The following PSD3 variants were observed in gnomAD, a reference collection of about 807,000 sequenced individuals.
PSD3 encodes the protein PH and SEC7 domain-containing protein 3.
PSD3 carries 49 observed loss-of-function variants against 105.5 expected under a neutral mutation model. The observed-to-expected ratio is 0.46, with a 90% confidence interval of 0.37 to 0.59. The LOEUF is 0.59. PSD3 is among the 20% of genes least tolerant of loss of function. PSD3 has a pLI of 0.00. For synonymous variants in PSD3, 557 were observed against 457.8 expected (o/e 1.22, Z -2.77); for missense variants, 1,561 against 1,263.8 (o/e 1.24, Z -3.57).
At chr8:18,834,437 A>C (rs1813929094) in intron 4 of PSD3, among the ~76,000 whole-genome samples, 1 of 152,212 alleles carries the variant, frequency 6.6e-6, no homozygotes, top group Non-Finnish European at 1.5e-5. Flanking sequence ...TGAGCATTCT[A>C]ATCACTGCAT....
chr8:18,787,317 G>A (rs920395151), intron 8 of PSD3, among the ~76,000 whole-genome samples: 2 of 152,060 alleles, frequency 1.3e-5, no homozygotes, highest in African/African-American at 4.8e-5. Flanking sequence ...ATAAAGCATG[G>A]AGATTTGAAA....
chr8:18,783,687 G>A (rs946062580), intron 8 of PSD3, among the ~76,000 whole-genome samples: 1 of 152,176 alleles, frequency 6.6e-6, no homozygotes, highest in African/African-American at 2.4e-5. Context: ...AGGCTGGAGT[G>A]CAGTGGCACA....
chr8:18,842,452 G>C (rs1814703327), intron 4 of PSD3, among the ~76,000 whole-genome samples: 1 of 152,222 alleles, frequency 6.6e-6, no homozygotes, highest in Non-Finnish European at 1.5e-5. Flanking sequence ...GTATGGCTTT[G>C]GCCGGGCGCG....
At chr8:18,778,749 G>A (rs950204035) in intron 8 of PSD3, among the ~76,000 whole-genome samples, 4 of 151,476 alleles carry the variant, frequency 2.6e-5, no homozygotes, top group Admixed American at 6.6e-5. Flanking sequence ...TTTTTGTGAC[G>A]TATCATGTTT....
At chr8:18,699,748 T>C (rs1801464697) in intron 9 of PSD3, among the ~76,000 whole-genome samples, 1 of 152,030 alleles carries the variant, frequency 6.6e-6, no homozygotes, top group African/African-American at 2.4e-5. Flanking sequence ...GGCTATAGAA[T>C]GGTGGGTGGT....
intron 12 of PSD3, among the ~76,000 whole-genome samples, chr8:18,579,096 C>CCACACACACACACA (rs3988324): frequency 6.8e-4 from 97 of 143,644 alleles, no homozygotes; most frequent in South Asian, 1.4e-3. Context: ...AGCTCCAAGT[C>CCACACACACACACA]CACACACACA....
intron 8 of PSD3, among the ~76,000 whole-genome samples, chr8:18,778,498 T>A (rs999208068): frequency 6.6e-6 from 1 of 152,126 alleles, no homozygotes; most frequent in African/African-American, 2.4e-5. Flanking sequence ...CTATATTGAA[T>A]ATGAGTGGTG....
rs114730122 is a variant in PSD3, at chr8:18,717,826, T to C, written c.2172+47623A>G. Among the ~76,000 whole-genome samples the C allele has an allele frequency of 5.7e-3, 868 of 152,332 alleles. 9 individuals carry two copies. The highest frequency in any genetic ancestry group is 0.02 in the African/African-American group (829 of 41,558). On this transcript the variant is annotated intron_variant, in intron 9 of 15. Coordinates refer to ENST00000327040, the MANE Select transcript of PSD3 (RefSeq NM_015310.4). ...ATCTGAACTATTCATTTTCTTTGTA[T>C]TTCATAAACTTTTGCCTGCTCTAGC...
chr8:18,945,007 AGCT>A (rs1226297404), intron 1 of PSD3, among the ~76,000 whole-genome samples: 2 of 152,298 alleles, frequency 1.3e-5, no homozygotes, highest in South Asian at 2.1e-4. Context: ...CCTCAACACT[AGCT>A]GTGCTTACTG....
chr8:18,899,372 GT>G (rs1351760489), intron 2 of PSD3, among the ~76,000 whole-genome samples: 5 of 152,110 alleles, frequency 3.3e-5, no homozygotes, highest in East Asian at 3.9e-4. Flanking sequence ...TCTGGATAAA[GT>G]TTTCTCCAGC....
At chr8:18,907,561 T>C (rs939294842) in intron 2 of PSD3, among the ~76,000 whole-genome samples, 3 of 152,244 alleles carry the variant, frequency 2.0e-5, no homozygotes, top group Non-Finnish European at 4.4e-5. Context: ...GTGTTACAAC[T>C]GTCTACTGCA....
chr8:18,985,245 T>A (rs1563486952), intron 1 of PSD3, among the ~76,000 whole-genome samples: 1 of 152,130 alleles, frequency 6.6e-6, no homozygotes, highest in South Asian at 2.1e-4. Context: ...TCCTTTGCTT[T>A]TATAGAGTGG....
At chr8:18,809,088 C>A (rs577590636) in intron 4 of PSD3, among the ~76,000 whole-genome samples, 3 of 152,188 alleles carry the variant, frequency 2.0e-5, no homozygotes, top group African/African-American at 7.2e-5. Flanking sequence ...TGATCCCTCT[C>A]GGAGGGGATA....
In PSD3 at chr8:18,917,875, G is replaced by T. The variant is rs923826212; in HGVS notation, c.130+18159C>A. ...ATCTATCTGGATTCCTTTCATGGAA[G>T]AGAACTTTTATTTTGTCTAAGCCAC... is the stretch of plus-strand genomic sequence containing the variant. On this transcript the variant is annotated intron_variant, in intron 2 of 15. Coordinates refer to ENST00000327040, the MANE Select transcript of PSD3 (RefSeq NM_015310.4). Among the ~76,000 whole-genome samples, 6 of 152,192 alleles carry T rather than the reference G, an allele frequency of 3.9e-5. No individual in the cohort carries two copies. The South Asian group carries it at 1.2e-3, about 32-fold the overall frequency.
chr8:19,072,135 T>G (rs1421461640), intron 1 of PSD3, among the ~76,000 whole-genome samples: 3 of 149,098 alleles, frequency 2.0e-5, no homozygotes, highest in Non-Finnish European at 4.4e-5. Flanking sequence ...GGAGTCTCCC[T>G]CTGTCGCCCA....
chr8:18,562,750 G>A (rs768279102), intron 14 of PSD3, among the ~76,000 whole-genome samples: 1 of 152,084 alleles, frequency 6.6e-6, no homozygotes, highest in East Asian at 1.9e-4. Context: ...TTAGCCGGGT[G>A]TGGTGGCATG....
At chr8:18,843,338 A>T (rs1439158435) in intron 4 of PSD3, among the ~76,000 whole-genome samples, 1 of 152,026 alleles carries the variant, frequency 6.6e-6, no homozygotes, top group African/African-American at 2.4e-5. Context: ...GTCTCAAAAA[A>T]AAAAAAAAAG....
chr8:18,863,485 C>G (rs1816604944), intron 4 of PSD3, among the ~76,000 whole-genome samples: 1 of 152,130 alleles, frequency 6.6e-6, no homozygotes, highest in Non-Finnish European at 1.5e-5. Context: ...ATATTGTGTT[C>G]CATGCAGAGG....
chr8:18,841,147 A>G (rs1814588208), intron 4 of PSD3, among the ~76,000 whole-genome samples: 1 of 152,238 alleles, frequency 6.6e-6, no homozygotes, highest in African/African-American at 2.4e-5. Context: ...TGCTGCCAGC[A>G]TTGACAACTC....
Sources: gnomAD v4.1 joint callset for allele counts (sites outside exome capture counted in the v4.1 genomes callset) on GRCh38, gnomAD v4.1.1 for gene constraint, MANE v1.5 for transcripts, NCBI Gene and HGNC (gene_info 2026-07-23, HGNC 2026-07-21) for gene names.